PGM1: variants seen among roughly 807,000 people sequenced by gnomAD.
The protein encoded by PGM1 is phosphoglucomutase 1.
PGM1 carries 52 observed loss-of-function variants against 55.6 expected under a neutral mutation model. The observed-to-expected ratio is 0.94, with a 90% CI of 0.75 to 1.18. The LOEUF (loss-of-function observed/expected upper bound fraction) is 1.18, where lower values mean the gene tolerates loss of function less well. Ranked by LOEUF, PGM1 falls within the 50% of genes most tolerant of loss-of-function variation. The pLI is 0.00. For missense variants in PGM1, 724 were observed against 729.3 expected (o/e 0.99, Z 0.08); for synonymous variants, 287 against 271.7 (o/e 1.06, Z -0.55).
At chr1:63,635,482 A>G (rs1368150490) in intron 5 of PGM1, among the ~76,000 whole-genome samples, 1 of 152,206 alleles carries the variant, frequency 6.6e-6, no homozygotes, top group Non-Finnish European at 1.5e-5. Context: ...TTAACATTTT[A>G]ATCATTCTCT....
chr1:63,595,088 C>A (rs908468439), intron 1 of PGM1, among the ~76,000 whole-genome samples: 1 of 152,010 alleles, frequency 6.6e-6, no homozygotes, highest in East Asian at 1.9e-4. Context: ...TGAGATTTGA[C>A]TTATGCCCAA....
intron 4 of PGM1, among the ~76,000 whole-genome samples, chr1:63,633,843 T>C (rs967921851): frequency 5.5e-5 from 8 of 146,314 alleles, no homozygotes; most frequent in African/African-American, 2.0e-4. Flanking sequence ...AATCTTTGTG[T>C]ATGCATGTGT....
intron 4 of PGM1, among the ~76,000 whole-genome samples, chr1:63,633,950 T>A (rs1315570119): frequency 1.1e-4 from 14 of 131,788 alleles, no homozygotes; most frequent in African/African-American, 4.1e-4. Flanking sequence ...TTTTTTTTTT[T>A]TTTTTTTTTT....
At chr1:63,640,802 A>C (rs1649495011) in intron 7 of PGM1, among the ~76,000 whole-genome samples, 1 of 151,994 alleles carries the variant, frequency 6.6e-6, no homozygotes, top group Non-Finnish European at 1.5e-5. Context: ...TCCTCATTTC[A>C]CATTGTTTAT....
At chr1:63,623,477 A>G in intron 1 of PGM1, 1 of 1,612,214 alleles carries the variant, frequency 6.2e-7, no homozygotes. Flanking sequence ...GATTTTGAAG[A>G]ATGGATTTCT....
Position 63,633,338 on chromosome 1 carries a change from A to G in PGM1, c.683-1491A>G, listed in dbSNP as rs113816629. On this transcript the variant is annotated intron_variant, in intron 4 of 10. Coordinates refer to ENST00000371084, the MANE Select transcript of PGM1 (RefSeq NM_002633.3). ...GGGCATGTGAGGAGGGCATTGGGTA[A>G]GAGGAGCTTCTCCGGAAGAAGACTA... Among the ~76,000 whole-genome samples the G allele has an allele frequency of 1.5e-3, 222 of 152,312 alleles. 4 individuals are homozygous for G. The highest frequency in any genetic ancestry group is 5.1e-3 in the African/African-American group (212 of 41,572).
intron 1 of PGM1, chr1:63,594,187 C>T: frequency 1.1e-6 from 1 of 926,542 alleles, no homozygotes; most frequent in Non-Finnish European, 1.3e-6. Context: ...TCGCATCCCG[C>T]CCGCTCCTCT....
At chr1:63,603,324 G>C (rs942470033) in intron 1 of PGM1, among the ~76,000 whole-genome samples, 2 of 152,236 alleles carry the variant, frequency 1.3e-5, no homozygotes, top group East Asian at 1.9e-4. Flanking sequence ...CCCACTGAGA[G>C]TGGCTGAGGA....
At chr1:63,647,294 A>ATG (rs1174195834) in intron 7 of PGM1, among the ~76,000 whole-genome samples, 3 of 88,948 alleles carry the variant, frequency 3.4e-5, no homozygotes, top group African/African-American at 1.5e-4. Context: ...ATATATATAT[A>ATG]TATATATATA....
At chr1:63,627,654 T>C (rs114159141) in intron 1 of PGM1, among the ~76,000 whole-genome samples, 343 of 152,166 alleles carry the variant, frequency 2.3e-3, no homozygotes, top group Non-Finnish European at 3.6e-3. Flanking sequence ...CCTGGAACCA[T>C]TGCAAATCTC....
chr1:63,621,073 T>C (rs1648867035), intron 1 of PGM1, among the ~76,000 whole-genome samples: 1 of 152,174 alleles, frequency 6.6e-6, no homozygotes, highest in Non-Finnish European at 1.5e-5. Context: ...GTAATATTTT[T>C]ATATGGGGTT....
chr1:63,606,041 C>T (rs1178484746), intron 1 of PGM1, among the ~76,000 whole-genome samples: 1 of 152,158 alleles, frequency 6.6e-6, no homozygotes, highest in Non-Finnish European at 1.5e-5. Flanking sequence ...CAAAACTTCC[C>T]TTAGCAGAAC....
chr1:63,609,672 C>T (rs768700012), intron 1 of PGM1, among the ~76,000 whole-genome samples: 25 of 152,306 alleles, frequency 1.6e-4, no homozygotes, highest in Non-Finnish European at 3.2e-4. Context: ...CAGGATGATA[C>T]TCTAGGAGTG....
Position 63,648,517 on chromosome 1 carries a change from G to A in PGM1, c.1145G>A (p.Gly382Asp), listed in dbSNP as rs779526628. 6.2e-7 allele frequency: 1 copy of A among 1,614,062 alleles called. No individual in the cohort carries two copies. The highest frequency in any genetic ancestry group is 1.1e-5 in the South Asian group (1 of 91,082). The change falls in exon 8 of 11, where the codon GGT (glycine) becomes GAT (aspartate). Residue 382 changes from glycine (G) to aspartate (D), a missense_variant and splice_region_variant. Transcript: ENST00000371084. ...SLCGEESFGT[G>D]SDHIREKDGL... Reference sequence around the variant, plus strand: ...CAGCAGCTTGCTGTCCCCCCTCCAGGTTCTGACCACATCCGTGAGAAAGAT... The same window carrying A: ...CAGCAGCTTGCTGTCCCCCCTCCAGATTCTGACCACATCCGTGAGAAAGAT...
rs372067999 is a variant in PGM1 at position 63,631,608 on chromosome 1, T to G, written c.557-49T>G. ...TATAGTCACATCAGAATATAATATT[T>G]CTAAATGTGTTTAATCCTTCCATCT... On this transcript the variant is annotated intron_variant, in intron 3 of 10. Coordinates refer to ENST00000371084, the MANE Select transcript of PGM1 (RefSeq NM_002633.3). The G allele has an allele frequency of 4.4e-6, 7 of 1,582,696 alleles. No homozygotes were observed. In the East Asian group the frequency reaches 1.6e-4, roughly 35 times the overall value.
In PGM1 at chr1:63,629,958, A is replaced by G. The variant is rs1649148694; in HGVS notation, c.426A>G (p.Ala142=). 3 of 1,614,098 alleles carry G rather than the reference A, an allele frequency of 1.9e-6. No homozygotes were observed. The East Asian group carries it at 6.7e-5, about 36-fold the overall frequency. Residue 142 remains alanine, a synonymous_variant, in exon 3 of 11, where the codon GCA becomes GCG. Coordinates refer to ENST00000371084, the MANE Select transcript of PGM1 (RefSeq NM_002633.3). ...GGTTTCCAGGTCCTGCTCCAGAAGCAATAACTGATAAAATTTTCCAAATCA... is the reference window on the plus strand; with the variant it reads ...GGTTTCCAGGTCCTGCTCCAGAAGCGATAACTGATAAAATTTTCCAAATCA... The part of the protein sequence containing the change: ...NISNGGPAPE[A]ITDKIFQISK...
intron 1 of PGM1, 170 bp downstream of exon 1, chr1:63,593,904 CGG>C: frequency 2.4e-6 from 3 of 1,245,256 alleles, no homozygotes; most frequent in Non-Finnish European, 3.0e-6. Flanking sequence ...GGAGGCCCGA[CGG>C]AGGTCGCCGG....
intron 1 of PGM1, among the ~76,000 whole-genome samples, chr1:63,597,226 T>G (rs1487508801): frequency 1.3e-5 from 2 of 152,142 alleles, no homozygotes; most frequent in South Asian, 2.1e-4. Flanking sequence ...TCTTAAAGAA[T>G]GACTTGGAGT....
intron 1 of PGM1, among the ~76,000 whole-genome samples, chr1:63,614,388 C>G (rs114380776): frequency 4.6e-5 from 7 of 152,140 alleles, no homozygotes; most frequent in Admixed American, 3.9e-4. Flanking sequence ...ATCCCTAAAG[C>G]CTTGCTCTCA....
Sources: allele counts gnomAD v4.1 joint callset (sites outside exome capture counted in the v4.1 genomes callset), GRCh38; gene constraint gnomAD v4.1.1; transcripts MANE v1.5; gene names NCBI Gene and HGNC (gene_info 2026-07-23, HGNC 2026-07-21).